Variants in STAP1 observed in about 807,000 individuals in gnomAD.
The protein encoded by STAP1 is signal transducing adaptor family member 1.
In STAP1, 30 loss-of-function variants were observed where a neutral mutation model predicts 37.8. The observed-to-expected ratio is 0.79, with a 90% confidence interval of 0.59 to 1.08. The LOEUF (loss-of-function observed/expected upper bound fraction) is 1.08, where lower values mean the gene tolerates loss of function less well. STAP1 is among the 50% of genes least tolerant of loss of function. The pLI is 0.00. For missense variants in STAP1, 357 were observed against 349.4 expected (o/e 1.02, Z -0.17); for synonymous variants, 130 against 116.0 (o/e 1.12, Z -0.78).
chr4:67,581,927 A>C (rs552181069), intron 5 of STAP1, among the ~76,000 whole-genome samples: 1 of 152,328 alleles, frequency 6.6e-6, no homozygotes, highest in Admixed American at 6.5e-5. Context: ...AAAATGTTTA[A>C]GGTGTTGGAA....
intron 2 of STAP1, among the ~76,000 whole-genome samples, chr4:67,575,149 A>G (rs1043787770): frequency 3.3e-5 from 5 of 152,174 alleles, no homozygotes; most frequent in Admixed American, 3.3e-4. Flanking sequence ...TGTGTTTAAC[A>G]ACTTGCTTGC....
chr4:67,562,100 GAGAGAAAGAAAGA>G (rs1375706583), intron 1 of STAP1, among the ~76,000 whole-genome samples: 2 of 139,910 alleles, frequency 1.4e-5, no homozygotes, highest in African/African-American at 5.3e-5. Context: ...AAGAAAGAAA[GAGAGAAAGAAAGA>G]AAAGAAAAAG....
chr4:67,567,730 G>A (rs554530826), intron 1 of STAP1, among the ~76,000 whole-genome samples: 1 of 152,276 alleles, frequency 6.6e-6, no homozygotes, highest in South Asian at 2.1e-4. Context: ...GCCAGCATGT[G>A]TCAAGTCTAG....
chr4:67,602,248 CTG>C (rs1312232361), intron 8 of STAP1, among the ~76,000 whole-genome samples: 1 of 151,958 alleles, frequency 6.6e-6, no homozygotes, highest in East Asian at 1.9e-4. Flanking sequence ...AATTCCTTCT[CTG>C]TGTTTTCTTG....
intron 4 of STAP1, among the ~76,000 whole-genome samples, chr4:67,577,611 G>T (rs1368139017): frequency 6.6e-6 from 1 of 150,638 alleles, no homozygotes; most frequent in African/African-American, 2.4e-5. Context: ...CAGCATGTTT[G>T]AAAATACATT....
At chr4:67,605,575 G>A (rs1452221519) in intron 8 of STAP1, among the ~76,000 whole-genome samples, 1 of 152,154 alleles carries the variant, frequency 6.6e-6, no homozygotes, top group Admixed American at 6.5e-5. Context: ...AGAGGGTCCT[G>A]TGAAGAAAGA....
chr4:67,559,128 A>G (rs1727278508), intron 1 of STAP1, among the ~76,000 whole-genome samples, 199 bp downstream of exon 1: 1 of 152,192 alleles, frequency 6.6e-6, no homozygotes, highest in Admixed American at 6.5e-5. Flanking sequence ...ATACACATAT[A>G]TAATATGTAT....
At chr4:67,603,519 C>T (rs1196309883) in intron 8 of STAP1, among the ~76,000 whole-genome samples, 1 of 152,076 alleles carries the variant, frequency 6.6e-6, no homozygotes, top group Non-Finnish European at 1.5e-5. Context: ...GGGTCTCAAC[C>T]CAAGGCCCAC....
At chr4:67,593,765 C>T (rs904910506) in intron 8 of STAP1, among the ~76,000 whole-genome samples, 7 of 152,140 alleles carry the variant, frequency 4.6e-5, no homozygotes, top group Non-Finnish European at 8.8e-5. Flanking sequence ...TAAGAAGAGA[C>T]GATGAAAACT....
In STAP1 at chr4:67,575,466, C is replaced by G. The variant is rs1475568178; in HGVS notation, c.274C>G (p.Leu92Val). 2 of 1,611,366 alleles carry G rather than the reference C, an allele frequency of 1.2e-6. No homozygotes were observed. Among genetic ancestry groups the G allele is most frequent in the South Asian group, 2.2e-5 (2 of 90,298 alleles). Residue 92 changes from leucine (L) to valine (V), a missense_variant, in exon 3 of 9, where the codon CTT becomes GTT. Leu to Val is a conservative substitution (Grantham distance 32). Coordinates refer to ENST00000265404, the MANE Select transcript of STAP1 (RefSeq NM_012108.4). ...TGAAAAGAACTGTGCGAAATTCACC[C>G]TTGTTTTGCCGAAAGAGGAAGTACA... ...STEKNCAKFT[L>V]VLPKEEVQLK...
chr4:67,594,527 A>G (rs1177839466), intron 8 of STAP1, among the ~76,000 whole-genome samples: 1 of 151,774 alleles, frequency 6.6e-6, no homozygotes, highest in Non-Finnish European at 1.5e-5. Flanking sequence ...TCACTTCTGG[A>G]CAGTTCTCAT....
intron 1 of STAP1, among the ~76,000 whole-genome samples, chr4:67,559,230 G>A: frequency 6.6e-6 from 1 of 152,168 alleles, no homozygotes; most frequent in East Asian, 1.9e-4. Flanking sequence ...AAAAGATTTT[G>A]GCTTGGGAGA....
In STAP1 at chr4:67,607,043, C is replaced by A. The variant is rs1464696248; in HGVS notation, c.*686C>A. The A allele has an allele frequency of 6.6e-6, 1 of 152,150 alleles. No individual in the cohort carries two copies. The highest frequency in any genetic ancestry group is 1.5e-5 in the Non-Finnish European group (1 of 68,012). The allele number at this position is 152,150 out of a possible 1,614,324, so 9.4% of individuals were successfully genotyped here. The stretch of plus-strand genomic sequence containing the variant: ...GTTCTTAAAAATATGGAACCATCAG[C>A]CCCAGACTGCATCTACTGAATCAAA... On this transcript the variant is annotated 3_prime_UTR_variant, in exon 9 of 9. Coordinates refer to ENST00000265404, the MANE Select transcript of STAP1 (RefSeq NM_012108.4).
intron 1 of STAP1, among the ~76,000 whole-genome samples, chr4:67,568,551 G>A (rs1405901268): frequency 6.6e-6 from 1 of 152,012 alleles, no homozygotes; most frequent in Non-Finnish European, 1.5e-5. Flanking sequence ...GAATGAAATG[G>A]GAGTTTAACT....
chr4:67,577,261 T>C lies in STAP1; in HGVS notation c.363+2T>C. The C allele has an allele frequency of 6.2e-7, 1 of 1,603,828 alleles. No homozygotes were observed. ...GGCTTCATTCTTACAGTAACAGAGG[T>C]AGGAAGCTCACTGCTTTTGATTGAT... On this transcript the variant is annotated splice_donor_variant, in intron 4 of 8. Transcript: ENST00000265404. LOFTEE classifies it high-confidence loss of function.
intron 8 of STAP1, among the ~76,000 whole-genome samples, chr4:67,597,138 C>T (rs891708935): frequency 1.3e-5 from 2 of 152,192 alleles, no homozygotes; most frequent in Non-Finnish European, 2.9e-5. Context: ...TGTGCAGCCT[C>T]AAGACATGGT....
intron 7 of STAP1, 54 bp from the exon 8 acceptor site, chr4:67,593,206 A>C: frequency 7.7e-7 from 1 of 1,298,428 alleles, no homozygotes; most frequent in Admixed American, 1.9e-5. Context: ...GCCTTCTCTT[A>C]CTCTATACTT....
chr4:67,576,483 A>G (rs1027079561), intron 3 of STAP1, among the ~76,000 whole-genome samples: 1 of 152,248 alleles, frequency 6.6e-6, no homozygotes, highest in Non-Finnish European at 1.5e-5. Context: ...AGCAAAAATA[A>G]TAAGACCTTT....
intron 6 of STAP1, among the ~76,000 whole-genome samples, chr4:67,587,242 G>T (rs915069788): frequency 6.6e-6 from 1 of 152,166 alleles, no homozygotes; most frequent in African/African-American, 2.4e-5. Context: ...TCTCTTATAG[G>T]TTATGGGAGA....
Sources: allele counts gnomAD v4.1 joint callset (sites outside exome capture counted in the v4.1 genomes callset), GRCh38; gene constraint gnomAD v4.1.1; transcripts MANE v1.5; gene names NCBI Gene and HGNC (gene_info 2026-07-23, HGNC 2026-07-21).